ATP5F1A: variants seen among roughly 807,000 people sequenced by gnomAD.
The protein encoded by ATP5F1A is ATP synthase F1 subunit alpha.
A neutral mutation model predicts 57.4 loss-of-function variants in ATP5F1A; 24 were observed. That is an observed-to-expected ratio of 0.42 (90% CI 0.30 to 0.59). ATP5F1A has a LOEUF of 0.59. Ranked by LOEUF, ATP5F1A falls within the 20% of genes least tolerant of loss-of-function variation. The pLI is 0.19. For synonymous variants in ATP5F1A, 251 were observed against 255.5 expected (o/e 0.98, Z 0.17); for missense variants, 494 against 707.9 (o/e 0.70, Z 3.43).
intron 5 of ATP5F1A, among the ~76,000 whole-genome samples, chr18:46,089,260 C>T (rs565141443): frequency 5.7e-4 from 87 of 152,352 alleles, no homozygotes; most frequent in Non-Finnish European, 9.8e-4. Flanking sequence ...ACCCACCTGA[C>T]GAGAAATACT....
At position 46,098,250 on chromosome 18, in the gene ATP5F1A, G is replaced by C. The variant is rs564653643; in HGVS notation, c.-19C>G. On this transcript the variant is annotated 5_prime_UTR_variant, in exon 1 of 12. Coordinates refer to ENST00000398752, the MANE Select transcript of ATP5F1A (RefSeq NM_004046.6). ...ACAGCATCTTTGCAGTTACTCCGCA[G>C]GCGGTACTTCTGCAGCCGCAGCCTC... 23 of 1,602,358 alleles carry C rather than the reference G, an allele frequency of 1.4e-5. No homozygotes were observed. The highest frequency in any genetic ancestry group is 1.9e-5 in the Non-Finnish European group (22 of 1,177,810).
intron 2 of ATP5F1A, chr18:46,094,696 T>A (rs115017167): frequency 0.02 from 3,317 of 164,068 alleles, 111 homozygotes; most frequent in African/African-American, 0.075. Context: ...AGAAAACCTA[T>A]CAATAAGAAC....
At chr18:46,100,251 T>TAAAAAAAAAAAAAAAAAAAGA (rs1911232033), upstream of ATP5F1A, among the ~76,000 whole-genome samples, 1 of 68,670 alleles carries the variant, frequency 1.5e-5, no homozygotes, top group African/African-American at 5.4e-5. Context: ...AAACTCCATC[T>TAAAAAAAAAAAAAAAAAAAGA]AAAAAAAAAA....
upstream of ATP5F1A, chr18:46,098,463 G>C: frequency 1.9e-5 from 24 of 1,287,814 alleles, no homozygotes; most frequent in East Asian, 2.9e-5. Flanking sequence ...TGAATGATTA[G>C]ATATATTCCG....
chr18:46,097,734 A>G, intron 1 of ATP5F1A: 1 of 815,300 alleles, frequency 1.2e-6, no homozygotes, highest in South Asian at 5.6e-5. Context: ...GCTGACCTTC[A>G]CACAATGTCA....
chr18:46,090,871 T>C (rs933549152), intron 3 of ATP5F1A, among the ~76,000 whole-genome samples: 2 of 152,206 alleles, frequency 1.3e-5, no homozygotes, highest in African/African-American at 4.8e-5. Context: ...ACTACATATT[T>C]CCAATACTAC....
intron 2 of ATP5F1A, among the ~76,000 whole-genome samples, chr18:46,094,346 A>G (rs572399728): frequency 4.2e-4 from 64 of 152,218 alleles, no homozygotes; most frequent in African/African-American, 1.5e-3. Context: ...ATTGCCAAAT[A>G]TCTAGTAGCT....
chr18:46,081,692 A>AAAAAAAAAAAAAAAAAAAAAAAAAC lies in ATP5F1A; in HGVS notation c.*2589_*2590insGTTTTTTTTTTTTTTTTTTTTTTTT, dbSNP rs1568240735. On this transcript the variant is annotated 3_prime_UTR_variant, in exon 12 of 12. Transcript: ENST00000398752. ...AAAAAACAAAAAAAAAAAAAAAAAA[A>AAAAAAAAAAAAAAAAAAAAAAAAAC]AAAAACGAAATGTGCAGAACCTTCT... is the stretch of plus-strand genomic sequence containing the variant. The AAAAAAAAAAAAAAAAAAAAAAAAAC allele has an allele frequency of 6.9e-6, 1 of 144,448 alleles. No individual in the cohort carries two copies. The allele number at this position is 144,448 out of a possible 1,614,324, so 8.9% of individuals were successfully genotyped here.
intron 1 of ATP5F1A, chr18:46,097,860 C>A (rs1410554052): frequency 6.8e-6 from 8 of 1,176,390 alleles, no homozygotes; most frequent in African/African-American, 6.4e-5. Context: ...CCTCGGAGAG[C>A]TAGCGCCCAA....
chr18:46,086,395 T>A lies in ATP5F1A; in HGVS notation c.1276A>T (p.Met426Leu). 5 of 1,614,174 alleles carry A rather than the reference T, an allele frequency of 3.1e-6. No individual in the cohort carries two copies. The highest frequency in any genetic ancestry group is 3.4e-6 in the Non-Finnish European group (4 of 1,180,036). Reference protein sequence around the residue: ...RVGSAAQTRAMKQVAGTMKLE... With the variant: ...RVGSAAQTRALKQVAGTMKLE... ...AAGTGATGCAAAATTACCTGCTTCA[T>A]AGCCCTGGTTTGGGCAGCGGATCCG... Residue 426 changes from methionine to leucine, a missense_variant, in exon 9 of 12, where the codon ATG becomes TTG. Met to Leu is a conservative substitution (Grantham distance 15, BLOSUM62 2). This residue lies in a region of ATP5F1A where 127 missense variants were observed against 195.2 expected (regional missense o/e 0.65). Transcript: ENST00000398752.
chr18:46,091,318 A>T (rs1367222631), intron 3 of ATP5F1A, among the ~76,000 whole-genome samples: 5 of 152,216 alleles, frequency 3.3e-5, no homozygotes, highest in Admixed American at 3.3e-4. Context: ...AAAGTCACGG[A>T]CTTCCAATTT....
At chr18:46,089,755 AC>A in intron 4 of ATP5F1A, 23 bp from the exon 5 acceptor site, 1 of 1,612,552 alleles carries the variant, frequency 6.2e-7, no homozygotes, top group Non-Finnish European at 8.5e-7. Context: ...AAAAAGAAAA[AC>A]CCTAAGCATA....
At position 46,080,641 on chromosome 18, in the gene ATP5F1A, T is replaced by TCTCA. The variant is rs10630465; in HGVS notation, c.*3640_*3641insTGAG. On this transcript the variant is annotated 3_prime_UTR_variant, in exon 12 of 12. Transcript: ENST00000398752. ...GCACAACTTTTTTTAAGAGTCAGGG[T>TCTCA]CTCTGTCACCTAGGCTGGAGTGCAG... 0.38 allele frequency: 58,249 copies of TCTCA among 151,374 alleles called. 11,524 individuals carry two copies. The highest frequency in any genetic ancestry group is 0.52 in the Middle Eastern group (152 of 292). The allele number at this position is 151,374 out of a possible 1,614,324, so 9.4% of individuals were successfully genotyped here. A position where few individuals can be genotyped will look rare whatever the true frequency, so the allele number is the denominator to read the frequency against.
intron 5 of ATP5F1A, chr18:46,088,655 T>G (rs1199679907): frequency 6.4e-6 from 1 of 156,484 alleles, no homozygotes; most frequent in African/African-American, 2.4e-5. Flanking sequence ...TGTGCAAGGT[T>G]TCTCCCCACT....
intron 1 of ATP5F1A, among the ~76,000 whole-genome samples, chr18:46,096,395 G>A (rs1048176422): frequency 3.3e-5 from 5 of 150,388 alleles, no homozygotes; most frequent in Admixed American, 1.3e-4. Flanking sequence ...AGCTACTCGG[G>A]AAGCTGAGGC....
At chr18:46,093,822 G>A (rs1910740293) in intron 2 of ATP5F1A, among the ~76,000 whole-genome samples, 1 of 150,864 alleles carries the variant, frequency 6.6e-6, no homozygotes, top group African/African-American at 2.4e-5. Flanking sequence ...TCAAAAAAAA[G>A]GAGGCCACGC....
At chr18:46,086,802 G>T in intron 8 of ATP5F1A, 1 of 634,668 alleles carries the variant, frequency 1.6e-6, no homozygotes, top group Non-Finnish European at 2.7e-6. Context: ...AAACTAGAAC[G>T]AAACATGCTA....
At chr18:46,100,837 C>T (rs576091114), upstream of ATP5F1A, among the ~76,000 whole-genome samples, 170 of 152,252 alleles carry the variant, frequency 1.1e-3, 3 homozygotes, top group South Asian at 0.035. Context: ...CTTTGGGAGG[C>T]CGAGGCGGGT....
rs781580076 is a variant in ATP5F1A at position 46,089,737 on chromosome 18, T to TA, written c.484-6dup. The TA allele has an allele frequency of 2.5e-6, 4 of 1,612,744 alleles. No homozygotes were observed. The South Asian group carries it at 3.3e-5, about 13-fold the overall frequency. Reference sequence around the variant, plus strand: ...CGTCTTGGAACCAATTGGACCCTGTTAAAAAATAAAAAGAAAAACCCTAAG... The same window carrying TA: ...CGTCTTGGAACCAATTGGACCCTGTTAAAAAAATAAAAAGAAAAACCCTAAG... On this transcript the variant is annotated splice_region_variant and splice_polypyrimidine_tract_variant and intron_variant, in intron 4 of 11. Coordinates refer to ENST00000398752, the MANE Select transcript of ATP5F1A (RefSeq NM_004046.6).
Sources: allele counts gnomAD v4.1 joint callset (sites outside exome capture counted in the v4.1 genomes callset), GRCh38; gene constraint gnomAD v4.1.1; regional missense constraint gnomAD v4.1.1; transcripts MANE v1.5; gene names NCBI Gene and HGNC (gene_info 2026-07-23, HGNC 2026-07-21).